NEK11: variants seen among roughly 807,000 people sequenced by gnomAD.
The protein encoded by NEK11 is NIMA related kinase 11, also known as serine/threonine-protein kinase Nek11.
NEK11 carries 72 observed loss-of-function variants against 80.7 expected under a neutral mutation model. The observed-to-expected ratio is 0.89, with a 90% confidence interval of 0.74 to 1.08. The LOEUF (loss-of-function observed/expected upper bound fraction) is 1.08. Among genes scored for constraint, NEK11 ranks in the 50% least tolerant of loss-of-function variants. The pLI is 0.00. For missense variants in NEK11, 764 were observed against 763.6 expected (o/e 1.00, Z -0.01); for synonymous variants, 251 against 260.7 (o/e 0.96, Z 0.36).
At position 131,162,412 on chromosome 3, in the gene NEK11, A is replaced by G; in HGVS notation, c.967A>G (p.Lys323Glu). 1 of 1,613,164 alleles carries G rather than the reference A, an allele frequency of 6.2e-7. No individual in the cohort carries two copies. Among genetic ancestry groups the G allele is most frequent in the Non-Finnish European group, 8.5e-7 (1 of 1,179,734 alleles). Residue 323 changes from lysine (K) to glutamate (E), a missense_variant, in exon 11 of 18, where the codon AAA becomes GAA. Physicochemically the swap from Lys to Glu is moderately conservative, Grantham distance 56 (BLOSUM62 1). Transcript: ENST00000383366. Reference protein sequence around the residue: ...EAAHIINAMQKRIHLQTLRAL... With the variant: ...EAAHIINAMQERIHLQTLRAL... ...GGGAATCTTTGTTATTTATAGGCAA[A>G]AAAGGATCCACCTGCAGACTCTGAG...
chr3:131,100,674 TTCA>T (rs1301031949), intron 4 of NEK11, among the ~76,000 whole-genome samples: 9 of 152,352 alleles, frequency 5.9e-5, no homozygotes, highest in Admixed American at 2.0e-4. Context: ...TGCATCAATG[TTCA>T]TCATGGATAT....
At chr3:131,071,008 G>A (rs527400762) in intron 3 of NEK11, among the ~76,000 whole-genome samples, 5 of 152,274 alleles carry the variant, frequency 3.3e-5, no homozygotes, top group African/African-American at 1.2e-4. Context: ...GCTGAATATG[G>A]GGGGAACACA....
chr3:131,325,552 A>T (rs2096954195), intron 17 of NEK11: 1 of 152,180 alleles, frequency 6.6e-6, no homozygotes, highest in Non-Finnish European at 1.5e-5. Flanking sequence ...TCACTGTATT[A>T]TACTTTATAT....
chr3:131,136,601 C>T (rs1361008791), intron 7 of NEK11, among the ~76,000 whole-genome samples: 5 of 152,120 alleles, frequency 3.3e-5, no homozygotes, highest in Non-Finnish European at 7.4e-5. Context: ...AATGTTTGCC[C>T]ATATGTAACA....
At chr3:131,151,808 A>G (rs2089693416) in intron 7 of NEK11, among the ~76,000 whole-genome samples, 2 of 151,938 alleles carry the variant, frequency 1.3e-5, no homozygotes, top group African/African-American at 4.8e-5. Context: ...CTAGAATTTT[A>G]ATATTCTGTT....
At chr3:131,200,354 C>T (rs2094180094) in intron 14 of NEK11, among the ~76,000 whole-genome samples, 1 of 152,154 alleles carries the variant, frequency 6.6e-6, no homozygotes. Context: ...GGATGTGGAA[C>T]TACAAAGACA....
intron 15 of NEK11, among the ~76,000 whole-genome samples, chr3:131,236,967 C>T (rs1406414591): frequency 3.3e-5 from 5 of 152,190 alleles, no homozygotes; most frequent in Admixed American, 1.3e-4. Flanking sequence ...GTTTCTGTAA[C>T]TTAGTGACAT....
At chr3:131,208,729 G>A (rs1226598168) in intron 14 of NEK11, among the ~76,000 whole-genome samples, 2 of 152,254 alleles carry the variant, frequency 1.3e-5, no homozygotes, top group African/African-American at 4.8e-5. Flanking sequence ...TGAAGCAATT[G>A]TGAATGGGAG....
intron 14 of NEK11, among the ~76,000 whole-genome samples, chr3:131,203,819 ATATAT>A: frequency 1.1e-5 from 1 of 88,296 alleles, no homozygotes; most frequent in Admixed American, 1.3e-4. Context: ...ATATATATAT[ATATAT>A]ATAAAGTTTT....
intron 14 of NEK11, among the ~76,000 whole-genome samples, chr3:131,219,311 C>A (rs1245882636): frequency 6.6e-6 from 1 of 151,742 alleles, no homozygotes; most frequent in African/African-American, 2.4e-5. Context: ...CCAAACACTG[C>A]ATGTTCTCAC....
At chr3:131,113,807 A>G (rs2149380080) in intron 5 of NEK11, among the ~76,000 whole-genome samples, 1 of 149,794 alleles carries the variant, frequency 6.7e-6, no homozygotes, top group African/African-American at 2.5e-5. Flanking sequence ...AGCTACTTGG[A>G]GGCTGAGGCA....
rs536745623 is a variant in NEK11, at chr3:131,244,900, G to T, written c.1621+1404G>T. Among the ~76,000 whole-genome samples, 5 of 152,094 alleles carry T rather than the reference G, an allele frequency of 3.3e-5. No homozygotes were observed. The South Asian group carries it at 6.2e-4, about 19-fold the overall frequency. On this transcript the variant is annotated intron_variant, in intron 16 of 17. Coordinates refer to ENST00000383366, the MANE Select transcript of NEK11 (RefSeq NM_024800.5). ...GATTATACCACTGTACTTCAGCCTG[G>T]GTGCTAGAGTGAGACCCTATCTCAA...
In NEK11 at chr3:131,264,485, C is replaced by T. The variant is rs1370718780; in HGVS notation, c.1622-8993C>T. Among the ~76,000 whole-genome samples the T allele has an allele frequency of 5.3e-5, 8 of 152,262 alleles. No individual in the cohort carries two copies. The East Asian group carries it at 1.5e-3, about 29-fold the overall frequency. On this transcript the variant is annotated intron_variant, in intron 16 of 17. Transcript: ENST00000383366. Reference sequence around the variant, plus strand: ...TAAATAGGGAATCCTTTCCCCATTTCTTGTTTTTGTCAGGTTTGTCAAAGA... The same window carrying T: ...TAAATAGGGAATCCTTTCCCCATTTTTTGTTTTTGTCAGGTTTGTCAAAGA...
At chr3:131,156,360 G>A (rs2090638022) in intron 10 of NEK11, among the ~76,000 whole-genome samples, 1 of 152,174 alleles carries the variant, frequency 6.6e-6, no homozygotes, top group Non-Finnish European at 1.5e-5. Flanking sequence ...TGTTTGTCAA[G>A]GAAAGAGTTG....
chr3:131,348,359 C>T (rs1222506880), intron 17 of NEK11, among the ~76,000 whole-genome samples: 3 of 151,856 alleles, frequency 2.0e-5, no homozygotes, highest in East Asian at 1.9e-4. Flanking sequence ...AAACGACAAC[C>T]GTGAAGAACC....
At chr3:131,074,861 T>C in intron 3 of NEK11, among the ~76,000 whole-genome samples, 1 of 152,222 alleles carries the variant, frequency 6.6e-6, no homozygotes, top group East Asian at 1.9e-4. Flanking sequence ...GTTGTCCAAC[T>C]ATTTATATAC....
chr3:131,276,062 G>A (rs1007481449), intron 17 of NEK11, among the ~76,000 whole-genome samples: 3 of 152,186 alleles, frequency 2.0e-5, no homozygotes, highest in African/African-American at 7.2e-5. Flanking sequence ...ACAGAGGGAT[G>A]TAATTTGGAG....
intron 10 of NEK11, among the ~76,000 whole-genome samples, chr3:131,159,397 T>A (rs2091216878): frequency 6.6e-6 from 1 of 152,168 alleles, no homozygotes; most frequent in African/African-American, 2.4e-5. Context: ...CATAATAAAA[T>A]GATACAGGAG....
At chr3:131,072,120 A>G (rs1408232103) in intron 3 of NEK11, 1 of 152,128 alleles carries the variant, frequency 6.6e-6, no homozygotes, top group African/African-American at 2.4e-5. Context: ...GGCTTAAACA[A>G]TAAGAAACTC....
Sources: allele counts gnomAD v4.1 joint callset (sites outside exome capture counted in the v4.1 genomes callset), GRCh38; gene constraint gnomAD v4.1.1; transcripts MANE v1.5; gene names NCBI Gene and HGNC (gene_info 2026-07-23, HGNC 2026-07-21).